The following NUP98 variants were observed in gnomAD, a reference collection of about 807,000 sequenced individuals.
NUP98 encodes the protein nuclear pore complex protein Nup98-Nup96.
Under a neutral mutation model 191.9 loss-of-function variants are expected in NUP98, and 26 were observed. The observed-to-expected ratio is 0.14, with a 90% CI of 0.10 to 0.19. The LOEUF (loss-of-function observed/expected upper bound fraction) is 0.19. NUP98 is among the 10% of genes least tolerant of loss of function. The pLI is 1.00. For synonymous variants in NUP98, 808 were observed against 778.4 expected (o/e 1.04, Z -0.63); for missense variants, 1,941 against 2,178.8 (o/e 0.89, Z 2.17).
intron 12 of NUP98, among the ~76,000 whole-genome samples, chr11:3,738,173 A>C (rs2080146486): frequency 1.3e-5 from 2 of 152,114 alleles, no homozygotes; most frequent in South Asian, 4.1e-4. Flanking sequence ...TATCTGTATG[A>C]ATAAATATAA....
At chr11:3,695,684 AT>A in intron 25 of NUP98, 78 bp from the exon 26 acceptor site, 1 of 1,030,724 alleles carries the variant, frequency 9.7e-7, no homozygotes, top group Non-Finnish European at 1.3e-6. Context: ...CATTATCTTC[AT>A]TTCTTCCAGC....
chr11:3,732,016 C>A (rs927606448), intron 13 of NUP98, among the ~76,000 whole-genome samples: 13 of 152,180 alleles, frequency 8.5e-5, no homozygotes, highest in African/African-American at 3.1e-4. Flanking sequence ...TGTTCTAGAA[C>A]TGATTTTTAC....
rs1319224662 is a variant in NUP98 at position 3,765,624 on chromosome 11, AC to A, written c.949-2586del. ...AGATCAGCCTGCCTAACATGGTGAA[AC>A]CCTGTCTCCACTAAAATATAAAAAA... On this transcript the variant is annotated intron_variant, in intron 8 of 32. Transcript: ENST00000324932. Among the ~76,000 whole-genome samples, 7 of 151,864 alleles carry A rather than the reference AC, an allele frequency of 4.6e-5. No individual in the cohort carries two copies. In the East Asian group the frequency reaches 1.4e-3, roughly 29 times the overall value.
Position 3,731,497 on chromosome 11 carries a change from T to C in NUP98, c.1624A>G (p.Arg542Gly). Residue 542 changes from arginine to glycine, a missense_variant, in exon 14 of 33, where the codon AGA becomes GGA. Physicochemically the swap from Arg to Gly is moderately radical, Grantham distance 125. Transcript: ENST00000324932. ...HYKLTPRPAT[R>G]VRPKALQTTG... The stretch of plus-strand genomic sequence containing the variant: ...GTTTGTAAAGCCTTTGGCCGGACTC[T>C]AGTGGCAGGGCGGGGTGTCAGTTTA... 2 of 1,609,062 alleles carry C rather than the reference T, an allele frequency of 1.2e-6. No individual in the cohort carries two copies. Among genetic ancestry groups the C allele is most frequent in the Non-Finnish European group, 1.7e-6 (2 of 1,177,370 alleles).
chr11:3,686,317 C>T, intron 28 of NUP98, 123 bp from the exon 29 acceptor site: 6 of 775,222 alleles, frequency 7.7e-6, no homozygotes, highest in South Asian at 5.0e-5. Context: ...TATAGGCCTT[C>T]TCTCCCTCTG....
chr11:3,725,859 G>A (rs1035884924), intron 14 of NUP98, among the ~76,000 whole-genome samples: 2 of 152,086 alleles, frequency 1.3e-5, no homozygotes, highest in Admixed American at 6.6e-5. Flanking sequence ...ACCCACGCTG[G>A]TGTGTAGTGG....
intron 11 of NUP98, among the ~76,000 whole-genome samples, chr11:3,753,067 A>C (rs2080823507): frequency 6.6e-6 from 1 of 152,208 alleles, no homozygotes; most frequent in Admixed American, 6.5e-5. Context: ...AATACTAAAA[A>C]TCCCAAAAAG....
Position 3,702,906 on chromosome 11 carries a change from G to A in NUP98, c.3083-14C>T. 6.3e-7 allele frequency: 1 copy of A among 1,580,756 alleles called. No homozygotes were observed. Among genetic ancestry groups the A allele is most frequent in the Non-Finnish European group, 8.6e-7 (1 of 1,159,620 alleles). On this transcript the variant is annotated splice_polypyrimidine_tract_variant and intron_variant, in intron 22 of 32. Transcript: ENST00000324932. Reference sequence around the variant, plus strand: ...GTAACCCACCAACTGAAATGAAGCGGGAATGAAGGGGAGAAAGACTATTAC... The same window carrying A: ...GTAACCCACCAACTGAAATGAAGCGAGAATGAAGGGGAGAAAGACTATTAC...
chr11:3,773,074 A>G (rs1321996987), intron 6 of NUP98, among the ~76,000 whole-genome samples: 2 of 152,232 alleles, frequency 1.3e-5, no homozygotes, highest in East Asian at 3.9e-4. Context: ...ATGCATACAC[A>G]TTGCCCAGTG....
At position 3,723,179 on chromosome 11, in the gene NUP98, A is replaced by C. The variant is rs767624662; in HGVS notation, c.2124T>G (p.Asn708Lys). The change falls in exon 16 of 33, where the codon AAT becomes AAG. Residue 708 changes from asparagine to lysine, a missense_variant. Asn to Lys is a moderately conservative substitution (Grantham distance 94). This residue lies in a region of NUP98 where 453 missense variants were observed against 438.2 expected (regional missense o/e 1.03). Transcript: ENST00000324932. ...LQDDREEIENNSYHMHPAGII... is the reference protein window; with the variant it reads ...LQDDREEIENKSYHMHPAGII... Reference sequence around the variant, plus strand: ...GACCTGCTGGGTGCATATGGTAAGAATTATTTTCTATTTCTTCTCGGTCAT... The same window carrying C: ...GACCTGCTGGGTGCATATGGTAAGACTTATTTTCTATTTCTTCTCGGTCAT... The C allele has an allele frequency of 1.9e-6, 3 of 1,614,046 alleles. No individual in the cohort carries two copies. In the Admixed American group the frequency reaches 5.0e-5, roughly 27 times the overall value.
At chr11:3,758,098 A>T (rs1490096128) in intron 10 of NUP98, among the ~76,000 whole-genome samples, 2 of 151,044 alleles carry the variant, frequency 1.3e-5, no homozygotes, top group Non-Finnish European at 3.0e-5. Flanking sequence ...CCGGCAGACC[A>T]TGAGGTCACA....
intron 7 of NUP98, among the ~76,000 whole-genome samples, chr11:3,769,212 G>A (rs1216835963): frequency 2.6e-5 from 4 of 152,120 alleles, no homozygotes; most frequent in African/African-American, 9.7e-5. Context: ...ATCACTTGAG[G>A]ACAGGAGTTC....
intron 20 of NUP98, among the ~76,000 whole-genome samples, chr11:3,710,417 A>G (rs1469031743): frequency 1.3e-5 from 2 of 152,190 alleles, no homozygotes; most frequent in African/African-American, 4.8e-5. Flanking sequence ...TAAGAGCAAA[A>G]GCGAGGCTTA....
intron 2 of NUP98, chr11:3,781,491 TTAAAAAAAAA>T (rs1564924289): frequency 2.8e-5 from 1 of 35,304 alleles, no homozygotes; most frequent in African/African-American, 2.3e-4. Context: ...CTTTCTGGTT[TTAAAAAAAAA>T]AAAAAAAAAA....
rs1403005761 is a variant in NUP98 at position 3,675,700 on chromosome 11, C to T, written c.*459G>A. ...CTAACCAATTACTTAAGAGACGGAT[C>T]CCTCTTCCTTCTGTGGATAGTTCAT... On this transcript the variant is annotated 3_prime_UTR_variant, in exon 33 of 33. Coordinates refer to ENST00000324932, the MANE Select transcript of NUP98 (RefSeq NM_016320.5). The T allele has an allele frequency of 4.0e-6, 1 of 248,160 alleles. No individual in the cohort carries two copies. The highest frequency in any genetic ancestry group is 2.2e-5 in the African/African-American group (1 of 45,538). 15.4% of individuals were successfully genotyped at this position (248,160 alleles called of 1,614,324 possible).
At chr11:3,712,268 G>A (rs1300634329) in intron 20 of NUP98, 1 of 1,161,884 alleles carries the variant, frequency 8.6e-7, no homozygotes, top group Non-Finnish European at 1.1e-6. Context: ...CAAATCTTAA[G>A]TTAATCACTG....
chr11:3,712,224 A>C, intron 20 of NUP98: 2 of 1,095,346 alleles, frequency 1.8e-6, no homozygotes, highest in Non-Finnish European at 2.2e-6. Context: ...GTAGTCAATA[A>C]AGGCAGAATT....
At position 3,720,766 on chromosome 11, in the gene NUP98, T is replaced by G; in HGVS notation, c.2206A>C (p.Ile736Leu). The change falls in exon 17 of 33, where the codon ATT (isoleucine) becomes CTT (leucine). Residue 736 changes from isoleucine to leucine, a missense_variant. Physicochemically the swap from Ile to Leu is conservative, Grantham distance 5. Transcript: ENST00000324932. Reference sequence around the variant, plus strand: ...ATGCACTCTCCTTTTTCATTGGTAATTTTAGCAAGGTCATCCATAGATGGA... The same window carrying G: ...ATGCACTCTCCTTTTTCATTGGTAAGTTTAGCAAGGTCATCCATAGATGGA... ...TIPSMDDLAKITNEKGECIVS... is the reference protein window; with the variant it reads ...TIPSMDDLAKLTNEKGECIVS... The G allele has an allele frequency of 6.2e-7, 1 of 1,604,596 alleles. No individual in the cohort carries two copies. Among genetic ancestry groups the G allele is most frequent in the Non-Finnish European group, 8.5e-7 (1 of 1,172,632 alleles).
chr11:3,783,121 T>A (rs1405947400), intron 1 of NUP98, among the ~76,000 whole-genome samples: 2 of 152,136 alleles, frequency 1.3e-5, no homozygotes, highest in Non-Finnish European at 2.9e-5. Flanking sequence ...CCAGGCACAG[T>A]GGGCTCACAC....
Sources: gnomAD v4.1 joint callset for allele counts (sites outside exome capture counted in the v4.1 genomes callset) on GRCh38, gnomAD v4.1.1 for gene constraint, gnomAD v4.1.1 regional missense constraint, MANE v1.5 for transcripts, NCBI Gene and HGNC (gene_info 2026-07-23, HGNC 2026-07-21) for gene names.